NFYC: variants seen among roughly 807,000 people sequenced by gnomAD.
The protein encoded by NFYC is CAAT box DNA-binding protein subunit C.
Under a neutral mutation model 53.1 loss-of-function variants are expected in NFYC, and 25 were observed. The ratio of observed to expected loss-of-function variants is 0.47; its 90% confidence interval spans 0.34 to 0.66. NFYC has a LOEUF of 0.66. Ranked by LOEUF, NFYC falls within the 30% of genes least tolerant of loss-of-function variation. The pLI is 0.01. For missense variants in NFYC, 260 were observed against 422.7 expected, an observed-to-expected ratio of 0.62 and a Z score of 3.38; for synonymous variants, 145 against 152.6, an observed-to-expected ratio of 0.95 and a Z score of 0.37.
At chr1:40,715,086 C>CAATAAATTAAATA (rs1553151879) in intron 1 of NFYC, among the ~76,000 whole-genome samples, 1 of 142,528 alleles carries the variant, frequency 7.0e-6, no homozygotes, top group African/African-American at 2.7e-5. Flanking sequence ...TGTCTCAAAA[C>CAATAAATTAAATA]AATAAATAAA....
Position 40,770,317 on chromosome 1 carries a change from GT to G in NFYC, c.889-391del. 7.4e-7 allele frequency: 1 copy of G among 1,347,826 alleles called. No homozygotes were observed. Among genetic ancestry groups the G allele is most frequent in the Admixed American group, 2.2e-5 (1 of 46,182 alleles). 83.5% of individuals were successfully genotyped at this position (1,347,826 alleles called of 1,614,324 possible). ...GGGGGTAATCCTACTGCCCCTGCCA[GT>G]GTAGATTACCAAGAGTTGGGGAAAT... On this transcript the variant is annotated intron_variant, in intron 9 of 9. Coordinates refer to ENST00000447388, the MANE Select transcript of NFYC (RefSeq NM_014223.5). The surrounding 1 kb of genome is among the most constrained non-coding windows in gnomAD (Gnocchi z 5.3).
chr1:40,728,792 C>G (rs1644636062), intron 1 of NFYC, among the ~76,000 whole-genome samples: 1 of 151,956 alleles, frequency 6.6e-6, no homozygotes, highest in Admixed American at 6.6e-5. Context: ...TGCCCGCCAC[C>G]ACGCCGAGCT....
In NFYC at chr1:40,759,567, GTGTGTGTGTA is replaced by G. The variant is rs1013738490; in HGVS notation, c.561+1283_561+1292del. 1.2e-3 allele frequency among the ~76,000 whole-genome samples: 176 copies of G among 151,184 alleles called. 2 individuals are homozygous for G. In the East Asian group the frequency reaches 0.028, roughly 24 times the overall value. On this transcript the variant is annotated intron_variant, in intron 6 of 9. Transcript: ENST00000447388. Reference sequence around the variant, plus strand: ...AAAACAAAAAAAAGTATATGTGTGTGTGTGTGTGTATGTGTGTGTGTATTATATATGTGTG... The same window carrying G: ...AAAACAAAAAAAAGTATATGTGTGTGTGTGTGTGTGTATTATATATGTGTG...
chr1:40,767,711 C>A (rs1368119970), intron 8 of NFYC, among the ~76,000 whole-genome samples: 1 of 152,178 alleles, frequency 6.6e-6, no homozygotes, highest in Non-Finnish European at 1.5e-5. Context: ...CACAGTGGGT[C>A]ACGCCTGTAA....
intron 1 of NFYC, among the ~76,000 whole-genome samples, chr1:40,707,244 A>G (rs1643740665): frequency 6.6e-6 from 1 of 151,936 alleles, no homozygotes; most frequent in Non-Finnish European, 1.5e-5. Flanking sequence ...CTGTAATCCC[A>G]GCACTTCAGG....
chr1:40,700,788 T>C (rs766412715), intron 1 of NFYC, among the ~76,000 whole-genome samples: 7 of 152,222 alleles, frequency 4.6e-5, no homozygotes, highest in Non-Finnish European at 1.0e-4. Flanking sequence ...TTATTTGCTT[T>C]GTTGTCCAGG....
intron 1 of NFYC, among the ~76,000 whole-genome samples, chr1:40,713,584 G>A (rs964124349): frequency 6.6e-6 from 1 of 152,184 alleles, no homozygotes; most frequent in Admixed American, 6.5e-5. Context: ...TGCATACAGA[G>A]TTTGAATACA....
chr1:40,757,968 T>C (rs1182162562), intron 5 of NFYC, 153 bp from the exon 6 acceptor site: 2 of 780,080 alleles, frequency 2.6e-6, no homozygotes, highest in East Asian at 5.4e-5. Context: ...AACTGGTCTC[T>C]TTGAATTCCA....
At chr1:40,699,181 A>T (rs1208757415) in intron 1 of NFYC, among the ~76,000 whole-genome samples, 1 of 150,134 alleles carries the variant, frequency 6.7e-6, no homozygotes, top group Non-Finnish European at 1.5e-5. Context: ...AAAACAAAAC[A>T]AAACCAAAAA....
chr1:40,719,190 G>T (rs923576708), intron 1 of NFYC, among the ~76,000 whole-genome samples: 1 of 152,142 alleles, frequency 6.6e-6, no homozygotes, highest in African/African-American at 2.4e-5. Flanking sequence ...TAAATAATCC[G>T]TTGCTTTAAA....
At chr1:40,730,926 G>A (rs1344336166) in intron 1 of NFYC, among the ~76,000 whole-genome samples, 1 of 152,122 alleles carries the variant, frequency 6.6e-6, no homozygotes, top group Non-Finnish European at 1.5e-5. Flanking sequence ...GTTCCTGGCC[G>A]GGGTCACTCT....
rs111990971 is a variant in NFYC, at chr1:40,760,390, G to T, written c.561+2096G>T. Among the ~76,000 whole-genome samples the T allele has an allele frequency of 9.8e-5, 15 of 152,310 alleles. 3 individuals are homozygous for T. The highest frequency in any genetic ancestry group is 3.4e-4 in the African/African-American group (14 of 41,572). On this transcript the variant is annotated intron_variant, in intron 6 of 9. Transcript: ENST00000447388. Reference sequence around the variant, plus strand: ...GAGACCAGCCTGGGCAATATGGCAAGACCTTGTCTCAAAAACAAACACACA... The same window carrying T: ...GAGACCAGCCTGGGCAATATGGCAATACCTTGTCTCAAAAACAAACACACA...
chr1:40,753,068 T>G (rs1299613868), intron 4 of NFYC, 83 bp from the exon 5 acceptor site: 1 of 980,078 alleles, frequency 1.0e-6, no homozygotes, highest in Non-Finnish European at 1.6e-6. Context: ...TTAAAAGTCG[T>G]CTTACCTTAC....
intron 1 of NFYC, among the ~76,000 whole-genome samples, chr1:40,729,281 A>G (rs1644658748): frequency 6.6e-6 from 1 of 152,214 alleles, no homozygotes. Context: ...AGTTGCATCA[A>G]TTACTCTAGC....
chr1:40,697,016 A>G (rs1570278505), intron 1 of NFYC, among the ~76,000 whole-genome samples: 1 of 152,200 alleles, frequency 6.6e-6, no homozygotes, highest in Non-Finnish European at 1.5e-5. Context: ...AGAGGACAGT[A>G]TTAGTTGCTG....
At chr1:40,704,293 G>A (rs944088764) in intron 1 of NFYC, among the ~76,000 whole-genome samples, 2 of 152,058 alleles carry the variant, frequency 1.3e-5, no homozygotes, top group African/African-American at 4.8e-5. Flanking sequence ...GGATGGTCTC[G>A]ATCTCCTGAA....
At chr1:40,726,835 T>G (rs1330140918) in intron 1 of NFYC, among the ~76,000 whole-genome samples, 2 of 152,258 alleles carry the variant, frequency 1.3e-5, no homozygotes, top group African/African-American at 4.8e-5. Context: ...GAGTAGAGCT[T>G]CTTTCAAAAC....
chr1:40,747,711 A>T (rs1435107994), intron 3 of NFYC, 106 bp downstream of exon 3: 5 of 744,644 alleles, frequency 6.7e-6, no homozygotes, highest in Non-Finnish European at 1.1e-5. Context: ...AACACACAAA[A>T]ATTACTGTCT....
intron 6 of NFYC, among the ~76,000 whole-genome samples, chr1:40,760,717 C>CA (rs397974863): frequency 0.087 from 11,628 of 132,996 alleles, 829 homozygotes; most frequent in African/African-American, 0.21. Flanking sequence ...GAGACTGTCT[C>CA]AAAAAAAAAA....
Sources: allele counts gnomAD v4.1 joint callset (sites outside exome capture counted in the v4.1 genomes callset), GRCh38; gene constraint gnomAD v4.1.1; non-coding constraint Gnocchi (gnomAD v3.1); transcripts MANE v1.5; gene names NCBI Gene and HGNC (gene_info 2026-07-23, HGNC 2026-07-21).